COL9A1: variants seen among roughly 807,000 people sequenced by gnomAD.
COL9A1 encodes the protein collagen alpha-1(IX) chain.
In COL9A1, 104 loss-of-function variants were observed where a neutral mutation model predicts 142.6. That is an observed-to-expected ratio of 0.73 (90% CI 0.62 to 0.86). The LOEUF is 0.86. Among genes scored for constraint, COL9A1 ranks in the 40% least tolerant of loss-of-function variants. The pLI is 0.00. For missense variants in COL9A1, 1,210 were observed against 1,176.6 expected, an observed-to-expected ratio of 1.03 and a Z score of -0.42; for synonymous variants, 466 against 396.0, an observed-to-expected ratio of 1.18 and a Z score of -2.10.
At chr6:70,223,115 C>T (rs185562481) in intron 37 of COL9A1, among the ~76,000 whole-genome samples, 6 of 152,154 alleles carry the variant, frequency 3.9e-5, no homozygotes, top group Middle Eastern at 3.4e-3. Context: ...GCATCAGGGG[C>T]GGTGCTGATT....
At chr6:70,279,707 C>G (rs1159782412) in intron 10 of COL9A1, 2 of 270,842 alleles carry the variant, frequency 7.4e-6, no homozygotes, top group African/African-American at 4.8e-5. Flanking sequence ...AGTATAGACA[C>G]AGTATAAACA....
Position 70,299,908 on chromosome 6 carries a change from A to G in COL9A1, c.299+135T>C, listed in dbSNP as rs1215096578. 10 of 826,764 alleles carry G rather than the reference A, an allele frequency of 1.2e-5. No individual in the cohort carries two copies. The Admixed American group carries it at 2.2e-4, about 18-fold the overall frequency. The allele number at this position is 826,764 out of a possible 1,614,324, so 51.2% of individuals were successfully genotyped here. A position where few individuals can be genotyped will look rare whatever the true frequency, so the allele number is the denominator to read the frequency against. On this transcript the variant is annotated intron_variant, in intron 4 of 37. Coordinates refer to ENST00000357250, the MANE Select transcript of COL9A1 (RefSeq NM_001851.6). ...TTAAGGTACTGAAGATAGGCAGGTAAATAAATTTCTTCATCTTTAAATACA... is the reference window on the plus strand; with the variant it reads ...TTAAGGTACTGAAGATAGGCAGGTAGATAAATTTCTTCATCTTTAAATACA...
intron 28 of COL9A1, 103 bp downstream of exon 28, chr6:70,252,017 C>G: frequency 8.2e-7 from 1 of 1,225,534 alleles, no homozygotes; most frequent in Non-Finnish European, 1.2e-6. Flanking sequence ...AGCATGGGCT[C>G]AAACATCAGA....
intron 35 of COL9A1, among the ~76,000 whole-genome samples, chr6:70,233,137 G>A (rs975785610): frequency 4.0e-5 from 6 of 151,354 alleles, no homozygotes; most frequent in African/African-American, 1.4e-4. Flanking sequence ...AACCCAGGAT[G>A]GGAAGAAAAA....
At chr6:70,260,463 G>A (rs1022674735) in intron 20 of COL9A1, among the ~76,000 whole-genome samples, 194 bp downstream of exon 20, 4 of 150,736 alleles carry the variant, frequency 2.7e-5, no homozygotes, top group South Asian at 2.1e-4. Context: ...CAGGAGAATC[G>A]CTTGAACCCA....
At chr6:70,297,120 C>A (rs1773874900) in intron 4 of COL9A1, among the ~76,000 whole-genome samples, 2 of 152,020 alleles carry the variant, frequency 1.3e-5, no homozygotes, top group African/African-American at 4.8e-5. Context: ...CTTTCCCACT[C>A]AATGAAGAGA....
chr6:70,228,934 A>G (rs1384196451), intron 36 of COL9A1, among the ~76,000 whole-genome samples: 2 of 152,150 alleles, frequency 1.3e-5, no homozygotes, highest in South Asian at 4.1e-4. Context: ...TCATATCACT[A>G]TAATTCTGGA....
intron 5 of COL9A1, among the ~76,000 whole-genome samples, 155 bp from the exon 6 acceptor site, chr6:70,283,975 A>G (rs935729609): frequency 6.6e-6 from 1 of 152,308 alleles, no homozygotes; most frequent in South Asian, 2.1e-4. Context: ...TTCCTTGAAT[A>G]CAAGTTTTCT....
At chr6:70,286,765 A>T (rs1773467875) in intron 5 of COL9A1, among the ~76,000 whole-genome samples, 1 of 152,158 alleles carries the variant, frequency 6.6e-6, no homozygotes, top group African/African-American at 2.4e-5. Flanking sequence ...TGTAGACTAA[A>T]CCCGGCTGTT....
intron 4 of COL9A1, among the ~76,000 whole-genome samples, chr6:70,298,697 A>C (rs1242458156): frequency 6.6e-6 from 1 of 152,238 alleles, no homozygotes; most frequent in Non-Finnish European, 1.5e-5. Context: ...AAACCTTAGA[A>C]GAGAAAATCA....
intron 17 of COL9A1, among the ~76,000 whole-genome samples, chr6:70,267,560 GATCCACCCACCTCGGCCTCCCAA>G: frequency 6.6e-6 from 1 of 151,928 alleles, no homozygotes; most frequent in African/African-American, 2.4e-5. Context: ...AACGTCAGGT[GATCCACCCACCTCGGCCTCCCAA>G]AGTGCTGGGA....
At chr6:70,302,597 C>T (rs563386251) in intron 1 of COL9A1, among the ~76,000 whole-genome samples, 3 of 152,242 alleles carry the variant, frequency 2.0e-5, no homozygotes, top group African/African-American at 7.2e-5. Context: ...ATCTCACCTT[C>T]TCGGTATCTA....
rs756346402 is a variant in COL9A1, at chr6:70,234,969, A to T, written c.2113-29T>A. 25 of 1,613,914 alleles carry T rather than the reference A, an allele frequency of 1.5e-5. No homozygotes were observed. The South Asian group carries it at 2.7e-4, about 18-fold the overall frequency. On this transcript the variant is annotated intron_variant, in intron 33 of 37. Transcript: ENST00000357250. The stretch of plus-strand genomic sequence containing the variant: ...GAACACAATTGCACACTATCAAACC[A>T]GGGCTAAGCATAAAGAATGTGCCTG...
At chr6:70,262,042 C>T (rs1258669036) in intron 19 of COL9A1, among the ~76,000 whole-genome samples, 1 of 152,122 alleles carries the variant, frequency 6.6e-6, no homozygotes, top group African/African-American at 2.4e-5. Context: ...AACATAGATC[C>T]TTAATCCCTG....
chr6:70,251,586 C>T (rs1770947791), intron 28 of COL9A1, among the ~76,000 whole-genome samples: 1 of 151,536 alleles, frequency 6.6e-6, no homozygotes, highest in African/African-American at 2.4e-5. Context: ...ACAAAAAGCT[C>T]ACATATTGTA....
chr6:70,280,772 C>CA, intron 10 of COL9A1, 40 bp downstream of exon 10: 1 of 1,594,346 alleles, frequency 6.3e-7, no homozygotes, highest in Non-Finnish European at 8.5e-7. Flanking sequence ...ACCCACCACA[C>CA]ACCCCAGGCT....
At chr6:70,280,032 C>G in intron 10 of COL9A1, 2 of 691,332 alleles carry the variant, frequency 2.9e-6, no homozygotes, top group Non-Finnish European at 5.4e-6. Context: ...GTCATTATTA[C>G]ATATTGTTAG....
intron 5 of COL9A1, among the ~76,000 whole-genome samples, chr6:70,288,652 A>G (rs767574386): frequency 1.3e-5 from 2 of 152,124 alleles, no homozygotes; most frequent in South Asian, 4.2e-4. Flanking sequence ...GTTCTCAGAC[A>G]TCACACACCT....
chr6:70,286,914 G>A lies in COL9A1; in HGVS notation c.697-3094C>T, dbSNP rs111353680. ...AGACATGCTCATTTATTTATTCAAC[G>A]TATTTTCATATAACACATTCATGTG... On this transcript the variant is annotated intron_variant, in intron 5 of 37. Transcript: ENST00000357250. Among the ~76,000 whole-genome samples, 291 of 152,230 alleles carry A rather than the reference G, an allele frequency of 1.9e-3. 1 individual carries two copies. Among genetic ancestry groups the A allele is most frequent in the African/African-American group, 6.1e-3 (254 of 41,530 alleles).
Sources: allele counts gnomAD v4.1 joint callset (sites outside exome capture counted in the v4.1 genomes callset), GRCh38; gene constraint gnomAD v4.1.1; transcripts MANE v1.5; gene names NCBI Gene and HGNC (gene_info 2026-07-23, HGNC 2026-07-21).